The following SPOCK3 variants were observed in gnomAD, a reference collection of about 807,000 sequenced individuals.
SPOCK3 encodes SPARC (osteonectin), cwcv and kazal like domains proteoglycan 3.
SPOCK3 carries 30 observed loss-of-function variants against 56.6 expected under a neutral mutation model. The ratio of observed to expected loss-of-function variants is 0.53; its 90% CI spans 0.40 to 0.72. The LOEUF (loss-of-function observed/expected upper bound fraction) is 0.72. SPOCK3 is among the 30% of genes least tolerant of loss of function. The pLI is 0.00. For synonymous variants in SPOCK3, 196 were observed against 183.3 expected (o/e 1.07, Z -0.56); for missense variants, 527 against 530.0 (o/e 0.99, Z 0.06).
chr4:167,068,994 G>A (rs965891166), intron 2 of SPOCK3, among the ~76,000 whole-genome samples: 1 of 151,834 alleles, frequency 6.6e-6, no homozygotes, highest in African/African-American at 2.4e-5. Context: ...ATTTCCCAAG[G>A]TATCTGAAGT....
intron 2 of SPOCK3, among the ~76,000 whole-genome samples, chr4:167,153,543 C>T (rs1178317397): frequency 6.6e-6 from 1 of 152,206 alleles, no homozygotes; most frequent in Non-Finnish European, 1.5e-5. Context: ...CATAACCACA[C>T]AGCACTAGTG....
chr4:167,014,278 T>G (rs942601482), intron 3 of SPOCK3, among the ~76,000 whole-genome samples: 6 of 17,468 alleles, frequency 3.4e-4, no homozygotes, highest in East Asian at 5.3e-3. Context: ...TTGAGTGGGT[T>G]TTTTTTTTTT....
chr4:166,964,784 A>C (rs1453289397), intron 4 of SPOCK3, among the ~76,000 whole-genome samples: 1 of 151,862 alleles, frequency 6.6e-6, no homozygotes, highest in Non-Finnish European at 1.5e-5. Flanking sequence ...TAAAGAAGTC[A>C]ATAAATTGGA....
rs74870899 is a variant in SPOCK3, at chr4:167,197,418, C to T, written c.189+36567G>A. Among the ~76,000 whole-genome samples the T allele has an allele frequency of 7.8e-3, 1,186 of 152,112 alleles. 20 individuals are homozygous for T. Among genetic ancestry groups the T allele is most frequent in the African/African-American group, 0.027 (1,115 of 41,518 alleles). ...TATTTTAAATTTACACATTTTAATT[C>T]ATGACGTGAAATTTAGGCTATTACT... On this transcript the variant is annotated intron_variant, in intron 2 of 10. Transcript: ENST00000357545.
chr4:166,743,768 T>G (rs1260297832), intron 8 of SPOCK3, among the ~76,000 whole-genome samples: 1 of 152,182 alleles, frequency 6.6e-6, no homozygotes, highest in Non-Finnish European at 1.5e-5. Context: ...TATTGCACTT[T>G]TACAACGGTC....
intron 3 of SPOCK3, among the ~76,000 whole-genome samples, chr4:167,047,802 C>T (rs1248521171): frequency 6.6e-6 from 1 of 152,186 alleles, no homozygotes; most frequent in African/African-American, 2.4e-5. Flanking sequence ...AATCCCAGCA[C>T]TTGGGGAGAC....
At chr4:167,094,850 A>G (rs1352121866) in intron 2 of SPOCK3, among the ~76,000 whole-genome samples, 1 of 152,106 alleles carries the variant, frequency 6.6e-6, no homozygotes, top group Non-Finnish European at 1.5e-5. Context: ...AGAGAAAGAC[A>G]CAGAGAGAAA....
chr4:166,900,916 A>G (rs1050769778), intron 5 of SPOCK3, among the ~76,000 whole-genome samples: 38 of 152,160 alleles, frequency 2.5e-4, no homozygotes, highest in African/African-American at 8.4e-4. Flanking sequence ...TAGAGGGGCA[A>G]GATACATTCA....
intron 2 of SPOCK3, among the ~76,000 whole-genome samples, chr4:167,106,258 C>CA (rs911313332): frequency 6.6e-5 from 10 of 151,536 alleles, no homozygotes; most frequent in Admixed American, 5.9e-4. Flanking sequence ...TAAAATATTC[C>CA]AAAAAAATGA....
intron 3 of SPOCK3, among the ~76,000 whole-genome samples, chr4:167,013,069 C>T (rs1750247875): frequency 6.6e-6 from 1 of 151,874 alleles, no homozygotes; most frequent in Non-Finnish European, 1.5e-5. Context: ...TGTATAAAAT[C>T]CATGTACTCT....
chr4:166,966,882 C>T (rs981197593), intron 4 of SPOCK3, among the ~76,000 whole-genome samples: 1 of 152,150 alleles, frequency 6.6e-6, no homozygotes, highest in Non-Finnish European at 1.5e-5. Flanking sequence ...CTCTATTTCC[C>T]AAAGACTGAT....
intron 6 of SPOCK3, among the ~76,000 whole-genome samples, chr4:166,820,161 T>C (rs779393538): frequency 1.3e-5 from 2 of 152,104 alleles, no homozygotes; most frequent in Non-Finnish European, 2.9e-5. Flanking sequence ...ATACTGACTA[T>C]AGTTAATAAC....
chr4:166,842,837 T>C (rs2126839093), intron 6 of SPOCK3, among the ~76,000 whole-genome samples: 1 of 152,328 alleles, frequency 6.6e-6, no homozygotes, highest in East Asian at 1.9e-4. Flanking sequence ...ACTGCCGGCC[T>C]GCACTCCTCA....
At chr4:167,085,725 G>T (rs1758134007) in intron 2 of SPOCK3, among the ~76,000 whole-genome samples, 1 of 152,000 alleles carries the variant, frequency 6.6e-6, no homozygotes, top group African/African-American at 2.4e-5. Flanking sequence ...ATTTTTACTT[G>T]GGGAAATACA....
At chr4:167,111,539 C>G (rs1259453284) in intron 2 of SPOCK3, among the ~76,000 whole-genome samples, 1 of 152,066 alleles carries the variant, frequency 6.6e-6, no homozygotes. Context: ...GGACTAATTT[C>G]TAACCAGATA....
Position 166,733,523 on chromosome 4 carries a change from CTTTCAATGAATTGTATACTGGGAAACCAG to C in SPOCK3, c.*1369_*1397del. Reference sequence around the variant, plus strand: ...AAATGGAAATAATTAATCAATTTTGCTTTCAATGAATTGTATACTGGGAAACCAGTTTACCCACTGTTGAAATTAAAGAT... The same window carrying C: ...AAATGGAAATAATTAATCAATTTTGCTTTACCCACTGTTGAAATTAAAGAT... On this transcript the variant is annotated 3_prime_UTR_variant, in exon 11 of 11. Transcript: ENST00000357545. 1 of 151,754 alleles carries C rather than the reference CTTTCAATGAATTGTATACTGGGAAACCAG, an allele frequency of 6.6e-6. No individual in the cohort carries two copies. The highest frequency in any genetic ancestry group is 1.9e-4 in the East Asian group (1 of 5,190). 9.4% of individuals were successfully genotyped at this position (151,754 alleles called of 1,614,324 possible). A position where few individuals can be genotyped will look rare whatever the true frequency, so the allele number is the denominator to read the frequency against.
At chr4:167,116,920 T>TAC (rs1761473900) in intron 2 of SPOCK3, among the ~76,000 whole-genome samples, 1 of 144,642 alleles carries the variant, frequency 6.9e-6, no homozygotes, top group Non-Finnish European at 1.5e-5. Context: ...TGTGTATATA[T>TAC]ATATATATAT....
At chr4:167,174,426 C>G (rs1324742480) in intron 2 of SPOCK3, among the ~76,000 whole-genome samples, 1 of 135,882 alleles carries the variant, frequency 7.4e-6, no homozygotes, top group African/African-American at 3.2e-5. Flanking sequence ...AGATTATACT[C>G]TAAAATTTTG....
intron 6 of SPOCK3, among the ~76,000 whole-genome samples, chr4:166,847,662 T>TATAC (rs1553986794): frequency 6.9e-5 from 7 of 100,816 alleles, no homozygotes; most frequent in African/African-American, 3.3e-4. Flanking sequence ...TATATATATA[T>TATAC]ATATATATAT....
Sources: allele counts gnomAD v4.1 joint callset (sites outside exome capture counted in the v4.1 genomes callset), GRCh38; gene constraint gnomAD v4.1.1; transcripts MANE v1.5; gene names NCBI Gene and HGNC (gene_info 2026-07-23, HGNC 2026-07-21).